The following UGT1A10 variants were observed in gnomAD, a reference collection of about 807,000 sequenced individuals.
UGT1A10 encodes UDP glucuronosyltransferase family 1 member A10.
Under a neutral mutation model 45.8 loss-of-function variants are expected in UGT1A10, and 49 were observed. The observed-to-expected ratio is 1.07, with a 90% CI of 0.85 to 1.36. UGT1A10 has a LOEUF of 1.36. UGT1A10 is among the 40% of genes most tolerant of loss of function. The pLI is 0.00. For missense variants in UGT1A10, 745 were observed against 668.6 expected (o/e 1.11, Z -1.26); for synonymous variants, 284 against 249.7 (o/e 1.14, Z -1.29).
At chr2:233,757,339 A>G (rs1013645188) in intron 1 of UGT1A10, among the ~76,000 whole-genome samples, 2 of 151,118 alleles carry the variant, frequency 1.3e-5, no homozygotes, top group African/African-American at 4.9e-5. Context: ...GGACCATGAC[A>G]GCTGGGTCTG....
At chr2:233,748,111 T>C (rs1693869391) in intron 1 of UGT1A10, 3 of 1,612,162 alleles carry the variant, frequency 1.9e-6, no homozygotes, top group Non-Finnish European at 2.5e-6. Flanking sequence ...CAATCAATGT[T>C]CCAGGCAAAA....
intron 1 of UGT1A10, among the ~76,000 whole-genome samples, chr2:233,699,348 C>T (rs763342430): frequency 6.6e-6 from 1 of 152,170 alleles, no homozygotes; most frequent in Non-Finnish European, 1.5e-5. Flanking sequence ...CTAGGGCTAA[C>T]CTCTTTTCTT....
At chr2:233,642,906 G>GTC (rs1323263354) in intron 1 of UGT1A10, among the ~76,000 whole-genome samples, 1 of 150,972 alleles carries the variant, frequency 6.6e-6, no homozygotes, top group Non-Finnish European at 1.5e-5. Context: ...CTCTCTCTCT[G>GTC]TCTCTCTCTC....
intron 1 of UGT1A10, among the ~76,000 whole-genome samples, chr2:233,751,389 A>G (rs557117107): frequency 6.6e-6 from 1 of 152,256 alleles, no homozygotes; most frequent in Admixed American, 6.5e-5. Context: ...CTTGTCTCAG[A>G]TAAGACTTTG....
At chr2:233,667,980 G>T (rs764087939) in intron 1 of UGT1A10, among the ~76,000 whole-genome samples, 1 of 152,014 alleles carries the variant, frequency 6.6e-6, no homozygotes, top group Admixed American at 6.6e-5. Flanking sequence ...TTAAAGCAAG[G>T]GTGCAAAAAA....
chr2:233,723,624 C>T (rs1286064208), intron 1 of UGT1A10, among the ~76,000 whole-genome samples: 6 of 104,762 alleles, frequency 5.7e-5, no homozygotes, highest in Admixed American at 2.0e-4. Context: ...GGAAGGTCAG[C>T]AGATAAACAA....
intron 1 of UGT1A10, among the ~76,000 whole-genome samples, chr2:233,751,156 T>G (rs1334188650): frequency 6.6e-6 from 1 of 151,998 alleles, no homozygotes; most frequent in Non-Finnish European, 1.5e-5. Context: ...ACTTCTGGCA[T>G]CAGCATGACC....
chr2:233,739,043 G>A (rs1411881573), intron 1 of UGT1A10: 2 of 152,288 alleles, frequency 1.3e-5, no homozygotes, highest in African/African-American at 4.8e-5. Flanking sequence ...CCAAGGTAGA[G>A]CTCAGGCCAT....
intron 1 of UGT1A10, among the ~76,000 whole-genome samples, chr2:233,652,414 A>T (rs1224257057): frequency 6.6e-6 from 1 of 152,152 alleles, no homozygotes; most frequent in East Asian, 1.9e-4. Context: ...TTTAAAAATA[A>T]ATTTTGGCTA....
chr2:233,684,327 C>T (rs1050842248), intron 1 of UGT1A10, among the ~76,000 whole-genome samples: 10 of 152,156 alleles, frequency 6.6e-5, no homozygotes, highest in Admixed American at 3.9e-4. Context: ...AGTTGTAGGA[C>T]GCTAAGAGGA....
At chr2:233,719,078 G>C in intron 1 of UGT1A10, 1 of 1,614,254 alleles carries the variant, frequency 6.2e-7, no homozygotes, top group Non-Finnish European at 8.5e-7. Flanking sequence ...CATGGACCCA[G>C]AAGGAATTTG....
intron 4 of UGT1A10, chr2:233,770,796 T>G (rs1486074516): frequency 6.6e-6 from 1 of 152,204 alleles, no homozygotes; most frequent in Non-Finnish European, 1.5e-5. Context: ...TATAGATATG[T>G]TTAAAGACAG....
intron 1 of UGT1A10, among the ~76,000 whole-genome samples, chr2:233,711,778 T>G (rs1300616599): frequency 3.9e-5 from 6 of 152,154 alleles, no homozygotes; most frequent in Admixed American, 3.9e-4. Flanking sequence ...AGATAGAAAG[T>G]GTGCACAGCC....
Position 233,768,459 on chromosome 2 carries a change from A to G in UGT1A10, c.1295+20A>G, listed in dbSNP as rs746261768. ...CAAAAGGTAAGAAAGAAGATACAGA[A>G]GAATACTTTGGTCATGGCATTCATG... On this transcript the variant is annotated intron_variant, in intron 4 of 4. Transcript: ENST00000344644. 1.1e-5 allele frequency: 17 copies of G among 1,609,762 alleles called. No homozygotes were observed. In the South Asian group the frequency reaches 1.9e-4, roughly 18 times the overall value.
At chr2:233,768,541 A>G in intron 4 of UGT1A10, 102 bp downstream of exon 4, 3 of 1,492,216 alleles carry the variant, frequency 2.0e-6, no homozygotes, top group South Asian at 1.3e-5. Context: ...GTTGTTTCAA[A>G]TATAAAAACA....
At chr2:233,719,345 C>A in intron 1 of UGT1A10, 1 of 1,613,904 alleles carries the variant, frequency 6.2e-7, no homozygotes, top group Non-Finnish European at 8.5e-7. Context: ...TTTGGAGGTA[C>A]ATTCCATGTG....
At position 233,648,728 on chromosome 2, in the gene UGT1A10, T is replaced by C; in HGVS notation, c.855+11351T>C. ...ATCCGCCCGCCTTGGCCTCCCAAAG[T>C]GCTGGAATTACAGGGGTGAGCCACC... On this transcript the variant is annotated intron_variant, in intron 1 of 4. Transcript: ENST00000344644. 2 of 502,070 alleles carry C rather than the reference T, an allele frequency of 4.0e-6. 1 individual carries two copies. The highest frequency in any genetic ancestry group is 4.3e-5 in the South Asian group (2 of 46,626). The allele number at this position is 502,070 out of a possible 1,614,324, so 31.1% of individuals were successfully genotyped here.
At chr2:233,640,256 C>G (rs2073416113) in intron 1 of UGT1A10, among the ~76,000 whole-genome samples, 3 of 152,208 alleles carry the variant, frequency 2.0e-5, no homozygotes, top group African/African-American at 7.2e-5. Context: ...TATATCAATC[C>G]TTAGGCTAAA....
intron 1 of UGT1A10, chr2:233,690,722 A>G (rs2075004731): frequency 1.6e-6 from 2 of 1,215,054 alleles, no homozygotes; most frequent in Non-Finnish European, 2.1e-6. Flanking sequence ...TGACGAACAG[A>G]CATGCCAGAT....
Sources: allele counts gnomAD v4.1 joint callset (sites outside exome capture counted in the v4.1 genomes callset), GRCh38; gene constraint gnomAD v4.1.1; transcripts MANE v1.5; gene names NCBI Gene and HGNC (gene_info 2026-07-23, HGNC 2026-07-21).